The following ABCC9 variants were observed in gnomAD, a reference collection of about 807,000 sequenced individuals.
The protein encoded by ABCC9 is ATP-binding cassette sub-family C member 9.
Under a neutral mutation model 188.3 loss-of-function variants are expected in ABCC9, and 95 were observed. The observed-to-expected ratio is 0.50, with a 90% CI of 0.43 to 0.60. ABCC9 has a LOEUF of 0.60. Among genes scored for constraint, ABCC9 ranks in the 20% least tolerant of loss-of-function variants. ABCC9 has a pLI of 0.00. For missense variants in ABCC9, 1,102 were observed against 1,876.3 expected (o/e 0.59, Z 7.62); for synonymous variants, 659 against 652.7 (o/e 1.01, Z -0.15).
chr12:21,824,893 T>G (rs1004166322), intron 31 of ABCC9, among the ~76,000 whole-genome samples: 12 of 152,222 alleles, frequency 7.9e-5, no homozygotes, highest in African/African-American at 2.9e-4. Context: ...TTCTTCTTTA[T>G]TAGTCTGGCT....
intron 12 of ABCC9, among the ~76,000 whole-genome samples, chr12:21,898,217 T>A (rs1947519895): frequency 6.6e-6 from 1 of 152,182 alleles, no homozygotes; most frequent in Non-Finnish European, 1.5e-5. Flanking sequence ...AATAATTAAA[T>A]GAGATGGTAT....
At chr12:21,888,105 G>A in intron 14 of ABCC9, 171 bp from the exon 15 acceptor site, 1 of 605,626 alleles carries the variant, frequency 1.7e-6, no homozygotes, top group South Asian at 1.9e-5. Context: ...ATCCTAAATT[G>A]CTGAGGACAG....
Position 21,815,838 on chromosome 12 carries a change from A to G in ABCC9, c.3948T>C (p.Asp1316=), listed in dbSNP as rs368875701. 3 of 1,613,404 alleles carry G rather than the reference A, an allele frequency of 1.9e-6. No individual in the cohort carries two copies. Among genetic ancestry groups the G allele is most frequent in the Admixed American group, 1.7e-5 (1 of 59,940 alleles). The change falls in exon 34 of 40, where the codon GAT becomes GAC. Residue 1316 remains aspartate (D), a synonymous_variant. Transcript: ENST00000261200. ...GATTATTTTCATATCTGACACACAG[A>G]TCATGTATCTTGATCTCCCCTTCTT... is the stretch of plus-strand genomic sequence containing the variant. ...WPQEGEIKIH[D]LCVRYENNLK...
chr12:21,845,095 GC>G (rs1372961417), intron 26 of ABCC9, among the ~76,000 whole-genome samples, 180 bp from the exon 27 acceptor site: 2 of 151,812 alleles, frequency 1.3e-5, no homozygotes, highest in Non-Finnish European at 2.9e-5. Flanking sequence ...AATTCCACAG[GC>G]CAAGCCTCCA....
intron 29 of ABCC9, among the ~76,000 whole-genome samples, chr12:21,839,152 A>G (rs1185999485): frequency 2.6e-5 from 4 of 152,228 alleles, no homozygotes; most frequent in African/African-American, 9.6e-5. Context: ...TAGTCCATAT[A>G]AGAGGTTTTT....
intron 18 of ABCC9, among the ~76,000 whole-genome samples, chr12:21,870,950 T>C (rs1427749473): frequency 2.0e-5 from 3 of 152,188 alleles, no homozygotes; most frequent in Non-Finnish European, 4.4e-5. Flanking sequence ...AATGATAATA[T>C]TGGGGGTCAA....
rs1941323626 is a variant in ABCC9 at position 21,799,281 on chromosome 12, A to C, written c.*1763T>G. The C allele has an allele frequency of 2.0e-5, 3 of 151,924 alleles. No homozygotes were observed. In the South Asian group the frequency reaches 6.2e-4, roughly 32 times the overall value. 9.4% of individuals were successfully genotyped at this position (151,924 alleles called of 1,614,324 possible). A position where few individuals can be genotyped will look rare whatever the true frequency, so the allele number is the denominator to read the frequency against. On this transcript the variant is annotated 3_prime_UTR_variant, in exon 40 of 40. Transcript: ENST00000261200. ...AATTAAAAAAAAAAAAGAAAAAAAA[A>C]AGATTACTTCCATGGGTAAAAACCC...
intron 12 of ABCC9, among the ~76,000 whole-genome samples, chr12:21,905,517 A>G (rs1014301570): frequency 2.6e-5 from 4 of 152,134 alleles, no homozygotes; most frequent in Admixed American, 2.0e-4. Flanking sequence ...ACAGAATGCT[A>G]CAAATAGAAC....
At chr12:21,822,471 C>T (rs1943096356) in intron 31 of ABCC9, among the ~76,000 whole-genome samples, 1 of 152,026 alleles carries the variant, frequency 6.6e-6, no homozygotes, top group Admixed American at 6.6e-5. Flanking sequence ...TCAAATATTA[C>T]AGTAGTATAG....
At chr12:21,905,234 AC>A (rs1478973493) in intron 12 of ABCC9, among the ~76,000 whole-genome samples, 1 of 151,950 alleles carries the variant, frequency 6.6e-6, no homozygotes, top group Admixed American at 6.6e-5. Flanking sequence ...AAACACTTGG[AC>A]CCCTCACATC....
At chr12:21,901,277 C>T (rs1947734967) in intron 12 of ABCC9, among the ~76,000 whole-genome samples, 5 of 152,154 alleles carry the variant, frequency 3.3e-5, no homozygotes, top group Admixed American at 3.3e-4. Flanking sequence ...CACCACCAGA[C>T]CTGCCCTACA....
At chr12:21,806,935 ATTC>A (rs1369186591) in intron 38 of ABCC9, among the ~76,000 whole-genome samples, 24 of 152,176 alleles carry the variant, frequency 1.6e-4, no homozygotes, top group African/African-American at 5.8e-4. Flanking sequence ...CCAGTGAATC[ATTC>A]TTCTTCAAAT....
chr12:21,916,973 G>C lies in ABCC9; in HGVS notation c.537C>G (p.Leu179=). The C allele has an allele frequency of 6.2e-7, 1 of 1,613,776 alleles. No individual in the cohort carries two copies. The highest frequency in any genetic ancestry group is 8.5e-7 in the Non-Finnish European group (1 of 1,179,806). Residue 179 remains leucine, a synonymous_variant, in exon 6 of 40, where the codon CTC becomes CTG. Coordinates refer to ENST00000261200, the MANE Select transcript of ABCC9 (RefSeq NM_020297.4). ...TGACATTGATCTCCACAGCCATCAA[G>C]AGCCCATTCAAGATGACCATCATGC... ...ITGMMVILNG[L]LMAVEINVIR...
At chr12:21,847,527 C>A (rs1944738466) in intron 25 of ABCC9, among the ~76,000 whole-genome samples, 1 of 151,982 alleles carries the variant, frequency 6.6e-6, no homozygotes, top group East Asian at 1.9e-4. Flanking sequence ...AGGCATAAAG[C>A]ATTTACTCTA....
intron 12 of ABCC9, among the ~76,000 whole-genome samples, chr12:21,903,233 C>T (rs1205620544): frequency 2.6e-5 from 4 of 152,136 alleles, no homozygotes; most frequent in South Asian, 2.1e-4. Context: ...TTCAACAGCC[C>T]TTCATGCTAA....
At chr12:21,913,154 C>T in intron 7 of ABCC9, 88 bp from the exon 8 acceptor site, 1 of 1,170,678 alleles carries the variant, frequency 8.5e-7, no homozygotes, top group Non-Finnish European at 1.2e-6. Context: ...GAAATTCCTT[C>T]TTATACTTCA....
At chr12:21,822,873 CA>C (rs1488087144) in intron 31 of ABCC9, among the ~76,000 whole-genome samples, 22 of 150,870 alleles carry the variant, frequency 1.5e-4, no homozygotes, top group African/African-American at 5.3e-4. Flanking sequence ...TAATGATTCA[CA>C]AAGTGACCCT....
At chr12:21,897,084 T>C (rs1470061526) in intron 12 of ABCC9, among the ~76,000 whole-genome samples, 1 of 152,188 alleles carries the variant, frequency 6.6e-6, no homozygotes, top group Non-Finnish European at 1.5e-5. Context: ...CCAGCATCTG[T>C]TGTTTCTTGA....
Position 21,844,865 on chromosome 12 carries a change from A to C in ABCC9, c.3147T>G (p.Leu1049=). 1 of 1,613,936 alleles carries C rather than the reference A, an allele frequency of 6.2e-7. No homozygotes were observed. The highest frequency in any genetic ancestry group is 8.5e-7 in the Non-Finnish European group (1 of 1,179,862). ...FSILCGAGIF[L]CLVTSLTVEW... ...CTACAGTGAGGGATGTAACAAGGCA[A>C]AGGAAAATGCCTGCTCCACAGAGTA... is the stretch of plus-strand genomic sequence containing the variant. Residue 1049 remains leucine (L), a synonymous_variant, in exon 27 of 40, where the codon CTT becomes CTG. Coordinates refer to ENST00000261200, the MANE Select transcript of ABCC9 (RefSeq NM_020297.4).
Sources: allele counts gnomAD v4.1 joint callset (sites outside exome capture counted in the v4.1 genomes callset), GRCh38; gene constraint gnomAD v4.1.1; transcripts MANE v1.5; gene names NCBI Gene and HGNC (gene_info 2026-07-23, HGNC 2026-07-21).